LIX1L: variants seen among roughly 807,000 people sequenced by gnomAD.
LIX1L encodes the protein limb and CNS expressed 1 like.
Under a neutral mutation model 34.0 loss-of-function variants are expected in LIX1L, and 20 were observed. The observed-to-expected ratio is 0.59, with a 90% CI of 0.41 to 0.85. The LOEUF (loss-of-function observed/expected upper bound fraction) is 0.85, where lower values mean the gene tolerates loss of function less well. LIX1L is among the 40% of genes least tolerant of loss of function. The pLI is 0.00. For missense variants in LIX1L, 397 were observed against 447.0 expected (o/e 0.89, Z 1.01); for synonymous variants, 170 against 187.4 (o/e 0.91, Z 0.76).
chr1:145,942,083 A>C (rs1287422274), intron 3 of LIX1L: 1 of 151,534 alleles, frequency 6.6e-6, no homozygotes, highest in Non-Finnish European at 1.5e-5. Flanking sequence ...ACGGGGTTTC[A>C]CCGTGTTAGC....
chr1:145,933,860 A>G lies in LIX1L; in HGVS notation c.*2450T>C, dbSNP rs1553757297. The G allele has an allele frequency of 6.6e-6, 1 of 152,220 alleles. No individual in the cohort carries two copies. Among genetic ancestry groups the G allele is most frequent in the Non-Finnish European group, 1.5e-5 (1 of 68,034 alleles). The allele number at this position is 152,220 out of a possible 1,614,324, so 9.4% of individuals were successfully genotyped here. A position where few individuals can be genotyped will look rare whatever the true frequency, so the allele number is the denominator to read the frequency against. The stretch of plus-strand genomic sequence containing the variant: ...TCAAGGAAGCCCGTTTCAAGCACTA[A>G]TAAAATTGTAGCTGGATTCCTTACC... On this transcript the variant is annotated 3_prime_UTR_variant, in exon 6 of 6. Coordinates refer to ENST00000604000, the MANE Select transcript of LIX1L (RefSeq NM_153713.3).
At chr1:145,946,749 A>G (rs1553759290) in intron 2 of LIX1L, among the ~76,000 whole-genome samples, 1 of 152,228 alleles carries the variant, frequency 6.6e-6, no homozygotes, top group Non-Finnish European at 1.5e-5. Context: ...ATATGTTGTA[A>G]TAAGTGATAT....
At position 145,958,013 on chromosome 1, in the gene LIX1L, G is replaced by T. The variant is rs905803910; in HGVS notation, c.-86C>A. 32 of 961,332 alleles carry T rather than the reference G, an allele frequency of 3.3e-5. No individual in the cohort carries two copies. The Middle Eastern group carries it at 9.1e-4, about 27-fold the overall frequency. The allele number at this position is 961,332 out of a possible 1,614,324, so 59.6% of individuals were successfully genotyped here. A position where few individuals can be genotyped will look rare whatever the true frequency, so the allele number is the denominator to read the frequency against. On this transcript the variant is annotated 5_prime_UTR_variant, in exon 1 of 6. Transcript: ENST00000604000. ...CCACCCCAGTCAGCTAGCGCCTGGG[G>T]ACTCAGGGCGGTGCCAGGGCCGAAC... is the stretch of plus-strand genomic sequence containing the variant.
rs781875539 is a variant in LIX1L, at chr1:145,937,685, T to A, written c.612A>T (p.Glu204Asp). 14 of 1,610,304 alleles carry A rather than the reference T, an allele frequency of 8.7e-6. No individual in the cohort carries two copies. Among genetic ancestry groups the A allele is most frequent in the African/African-American group, 2.7e-5 (2 of 74,830 alleles). ...CAATCCCTGTATTTGGGTTGTCAGC[T>A]TCCTCCCTGTTGCCCTGGTAGTAGA... ...ALASFNGNRE[E>D]ADNPNTGIGA... is the part of the protein sequence containing the mutation. Residue 204 changes from glutamate to aspartate, a missense_variant, in exon 4 of 6, where the codon GAA becomes GAT. Physicochemically the swap from Glu to Asp is conservative, Grantham distance 45 (BLOSUM62 2). Coordinates refer to ENST00000604000, the MANE Select transcript of LIX1L (RefSeq NM_153713.3).
intron 4 of LIX1L, among the ~76,000 whole-genome samples, 181 bp from the exon 5 acceptor site, chr1:145,937,166 ATT>A (rs1648685162): frequency 6.9e-6 from 1 of 145,742 alleles, no homozygotes; most frequent in African/African-American, 2.7e-5. Flanking sequence ...TTATTTATTT[ATT>A]TATTTACTTA....
intron 1 of LIX1L, among the ~76,000 whole-genome samples, 154 bp downstream of exon 1, chr1:145,957,482 T>G (rs1344524668): frequency 6.6e-6 from 1 of 152,094 alleles, no homozygotes; most frequent in Non-Finnish European, 1.5e-5. Context: ...TGTGTATGAG[T>G]GTGTGCGTCT....
chr1:145,941,638 T>C (rs1570963841), intron 3 of LIX1L, among the ~76,000 whole-genome samples: 2 of 152,254 alleles, frequency 1.3e-5, no homozygotes, highest in South Asian at 2.1e-4. Context: ...AAGATGGCGG[T>C]GTTAATTTCT....
chr1:145,937,167 TTTATTTACTTAC>T (rs1208121520), intron 4 of LIX1L, among the ~76,000 whole-genome samples, 182 bp from the exon 5 acceptor site: 26 of 130,878 alleles, frequency 2.0e-4, no homozygotes, highest in African/African-American at 4.1e-4. Context: ...TATTTATTTA[TTTATTTACTTAC>T]TTACTTACTT....
intron 4 of LIX1L, 94 bp downstream of exon 4, chr1:145,937,510 G>T: frequency 1.4e-6 from 1 of 740,692 alleles, no homozygotes; most frequent in South Asian, 1.7e-5. Flanking sequence ...TTCTTTTCCA[G>T]TATCAATGAG....
chr1:145,937,429 G>A, intron 4 of LIX1L, 175 bp downstream of exon 4: 1 of 498,010 alleles, frequency 2.0e-6, no homozygotes, highest in Non-Finnish European at 3.6e-6. Context: ...AAAGTGCTGG[G>A]ATTACAGGCC....
intron 1 of LIX1L, among the ~76,000 whole-genome samples, chr1:145,952,880 G>T (rs1553759972): frequency 6.6e-6 from 1 of 152,106 alleles, no homozygotes; most frequent in African/African-American, 2.4e-5. Context: ...CAAAGTGCTG[G>T]GATTACAGGT....
At position 145,933,450 on chromosome 1, in the gene LIX1L, G is replaced by C; in HGVS notation, c.*2860C>G. On this transcript the variant is annotated 3_prime_UTR_variant, in exon 6 of 6. Transcript: ENST00000604000. ...ACTAGACAAAAATCTATTTTTAATT[G>C]TATAAAATTATACATATAAAATACA... 1 of 152,202 alleles carries C rather than the reference G, an allele frequency of 6.6e-6. No homozygotes were observed. Among genetic ancestry groups the C allele is most frequent in the Admixed American group, 6.5e-5 (1 of 15,274 alleles). 9.4% of individuals were successfully genotyped at this position (152,202 alleles called of 1,614,324 possible).
intron 1 of LIX1L, among the ~76,000 whole-genome samples, chr1:145,952,736 G>A (rs1302755614): frequency 3.3e-5 from 5 of 151,714 alleles, no homozygotes; most frequent in Non-Finnish European, 7.4e-5. Flanking sequence ...TCAGCCTCCC[G>A]AGTAGCTGGG....
chr1:145,945,964 C>T (rs1407471820), intron 2 of LIX1L, among the ~76,000 whole-genome samples: 1 of 147,166 alleles, frequency 6.8e-6, no homozygotes, highest in Non-Finnish European at 1.5e-5. Context: ...ATTAGCTAGG[C>T]GTGGTGGCAT....
intron 3 of LIX1L, among the ~76,000 whole-genome samples, chr1:145,937,989 A>G (rs1648729596): frequency 6.6e-6 from 1 of 151,954 alleles, no homozygotes; most frequent in East Asian, 1.9e-4. Flanking sequence ...TTAGCCGGGC[A>G]TGGTAGTGGG....
intron 2 of LIX1L, 82 bp from the exon 3 acceptor site, chr1:145,942,935 G>A: frequency 7.4e-7 from 1 of 1,348,388 alleles, no homozygotes; most frequent in Non-Finnish European, 1.0e-6. Context: ...AAACACTTCA[G>A]ATAGAAAACA....
chr1:145,957,717 C>G lies in LIX1L; in HGVS notation c.211G>C (p.Ala71Pro). 8 of 1,486,226 alleles carry G rather than the reference C, an allele frequency of 5.4e-6. No individual in the cohort carries two copies. Among genetic ancestry groups the G allele is most frequent in the Non-Finnish European group, 6.2e-6 (7 of 1,123,468 alleles). 92.1% of individuals were successfully genotyped at this position (1,486,226 alleles called of 1,614,324 possible). A position where few individuals can be genotyped will look rare whatever the true frequency, so the allele number is the denominator to read the frequency against. ...APGLPLPPGA[A>P]GSPAVLREAV... is the part of the protein sequence containing the mutation. ...TCTCGCAGCACTGCCGGGCTGCCGG[C>G]GGCGCCGGGGGGCAGGGGTAGTCCT... The change falls in exon 1 of 6, where the codon GCC (alanine) becomes CCC (proline). Residue 71 changes from alanine to proline, a missense_variant. By Grantham distance (27) the Ala-to-Pro change is conservative (BLOSUM62 -1). Transcript: ENST00000604000.
Position 145,936,466 on chromosome 1 carries a change from A to C in LIX1L, c.858T>G (p.Ser286Arg), listed in dbSNP as rs145680047. Residue 286 changes from serine (S) to arginine (R), a missense_variant, in exon 6 of 6, where the codon AGT becomes AGG. Ser to Arg is a moderately radical substitution (Grantham distance 110). This residue lies in a region of LIX1L where 174 missense variants were observed against 204.0 expected (regional missense o/e 0.85). Transcript: ENST00000604000. ...MALDWVSREQ[S>R]VPGALSRELA... The stretch of plus-strand genomic sequence containing the variant: ...GCTCTCTAGACAGTGCCCCCGGCAC[A>C]CTCTGCTCCCGGCTCACCCAGTCCA... 6.2e-7 allele frequency: 1 copy of C among 1,614,000 alleles called. No homozygotes were observed. Among genetic ancestry groups the C allele is most frequent in the African/African-American group, 1.3e-5 (1 of 74,886 alleles).
At chr1:145,937,576 A>G in intron 4 of LIX1L, 28 bp downstream of exon 4, 2 of 1,416,960 alleles carry the variant, frequency 1.4e-6, no homozygotes, top group Non-Finnish European at 2.0e-6. Context: ...CCATGTTATT[A>G]GAACCAGGGA....
Sources: gnomAD v4.1 joint callset for allele counts (sites outside exome capture counted in the v4.1 genomes callset) on GRCh38, gnomAD v4.1.1 for gene constraint, gnomAD v4.1.1 regional missense constraint, MANE v1.5 for transcripts, NCBI Gene and HGNC (gene_info 2026-07-23, HGNC 2026-07-21) for gene names.